Variants in LRRC20 observed in about 807,000 individuals in gnomAD.
LRRC20 encodes leucine rich repeat containing 20.
LRRC20 carries 11 observed loss-of-function variants against 14.4 expected under a neutral mutation model. The observed-to-expected ratio is 0.77, with a 90% confidence interval of 0.48 to 1.27. The LOEUF (loss-of-function observed/expected upper bound fraction) is 1.27, where lower values mean the gene tolerates loss of function less well. LRRC20 is among the 50% of genes most tolerant of loss of function. The pLI, the probability that LRRC20 is intolerant of heterozygous loss-of-function variation, is 0.00. For synonymous variants in LRRC20, 121 were observed against 107.3 expected (o/e 1.13, Z -0.79); for missense variants, 219 against 251.2 (o/e 0.87, Z 0.87).
intron 1 of LRRC20, among the ~76,000 whole-genome samples, chr10:70,377,501 T>C (rs7084009): frequency 0.74 from 113,040 of 152,000 alleles, 42,166 homozygotes; most frequent in Admixed American, 0.79. Flanking sequence ...CCCAGCTCCA[T>C]AGCCAGTGCT....
intron 2 of LRRC20, among the ~76,000 whole-genome samples, chr10:70,367,861 G>A (rs7902738): frequency 9.5e-4 from 144 of 151,410 alleles, no homozygotes; most frequent in African/African-American, 3.3e-3. Flanking sequence ...TCAAGGCATG[G>A]CAGAATCATC....
At chr10:70,325,994 A>G (rs997039833) in intron 3 of LRRC20, among the ~76,000 whole-genome samples, 6 of 152,206 alleles carry the variant, frequency 3.9e-5, no homozygotes, top group African/African-American at 9.7e-5. Flanking sequence ...TTCATGCTCA[A>G]TTTTGATCTT....
At chr10:70,340,231 T>C (rs1842865074) in intron 3 of LRRC20, among the ~76,000 whole-genome samples, 1 of 152,022 alleles carries the variant, frequency 6.6e-6, no homozygotes, top group Admixed American at 6.5e-5. Context: ...AGGGGGCTCA[T>C]TCAAGACTAC....
chr10:70,301,714 C>G (rs142102836), intron 4 of LRRC20, among the ~76,000 whole-genome samples: 3 of 152,226 alleles, frequency 2.0e-5, no homozygotes, highest in African/African-American at 4.8e-5. Context: ...AGGAAAGCAT[C>G]CTTAAAAATA....
At chr10:70,305,284 G>A (rs192471068) in intron 4 of LRRC20, among the ~76,000 whole-genome samples, 7 of 152,274 alleles carry the variant, frequency 4.6e-5, no homozygotes, top group African/African-American at 1.7e-4. Flanking sequence ...TGTTCCCATC[G>A]CTTGGCTATG....
intron 3 of LRRC20, among the ~76,000 whole-genome samples, chr10:70,327,507 A>T (rs766583880): frequency 6.6e-6 from 1 of 152,014 alleles, no homozygotes; most frequent in Non-Finnish European, 1.5e-5. Context: ...CGAGAATCCC[A>T]GGAGGCAGAG....
intron 2 of LRRC20, among the ~76,000 whole-genome samples, chr10:70,352,175 T>C (rs911246999): frequency 4.6e-5 from 7 of 152,160 alleles, no homozygotes; most frequent in African/African-American, 1.7e-4. Context: ...CATTTTGGCA[T>C]GTTTGTTAAT....
chr10:70,334,739 G>A (rs1401514491), intron 3 of LRRC20, among the ~76,000 whole-genome samples: 1 of 152,142 alleles, frequency 6.6e-6, no homozygotes, highest in African/African-American at 2.4e-5. Flanking sequence ...CAGGCATGTA[G>A]GGCCCTTGGA....
chr10:70,357,739 T>C (rs1843583949), intron 2 of LRRC20, among the ~76,000 whole-genome samples: 1 of 152,168 alleles, frequency 6.6e-6, no homozygotes, highest in Non-Finnish European at 1.5e-5. Context: ...CCACACAGAA[T>C]ACAATCAAAT....
intron 2 of LRRC20, among the ~76,000 whole-genome samples, chr10:70,350,204 A>T (rs1319881735): frequency 1.3e-5 from 2 of 152,194 alleles, no homozygotes; most frequent in African/African-American, 4.8e-5. Context: ...CTCCTCCAGC[A>T]CCATGTAGAC....
intron 1 of LRRC20, among the ~76,000 whole-genome samples, chr10:70,378,796 A>G (rs973614412): frequency 1.7e-4 from 20 of 119,430 alleles, no homozygotes; most frequent in East Asian, 1.3e-3. Context: ...AAAAAAAAAA[A>G]TTAGCCAGGC....
chr10:70,372,445 G>GTTTTTTTT (rs35874508), intron 2 of LRRC20, among the ~76,000 whole-genome samples: 1 of 133,328 alleles, frequency 7.5e-6, no homozygotes. Context: ...CCTTCTTTTC[G>GTTTTTTTT]TTTTTTTTTT....
chr10:70,379,382 G>A (rs1450887301), intron 1 of LRRC20, among the ~76,000 whole-genome samples: 4 of 152,110 alleles, frequency 2.6e-5, no homozygotes, highest in East Asian at 3.8e-4. Flanking sequence ...GGAAAGCTGA[G>A]GACCCAAGAG....
At chr10:70,377,736 G>A (rs1031828173) in intron 1 of LRRC20, among the ~76,000 whole-genome samples, 7 of 152,202 alleles carry the variant, frequency 4.6e-5, no homozygotes, top group African/African-American at 1.4e-4. Flanking sequence ...AAGTTCCCAC[G>A]TGGTCAACTG....
chr10:70,368,157 C>CTTTTTTT (rs373588441), intron 2 of LRRC20, among the ~76,000 whole-genome samples: 1 of 102,814 alleles, frequency 9.7e-6, no homozygotes, highest in Non-Finnish European at 1.7e-5. Flanking sequence ...CTAATTTTTG[C>CTTTTTTT]TTTTTTTTTT....
chr10:70,373,136 A>C (rs528035339), intron 2 of LRRC20, among the ~76,000 whole-genome samples: 1 of 152,304 alleles, frequency 6.6e-6, no homozygotes, highest in South Asian at 2.1e-4. Context: ...GTATAGCTGT[A>C]ACCAAATTTA....
chr10:70,358,614 G>T (rs10999292), intron 2 of LRRC20, among the ~76,000 whole-genome samples: 83,142 of 152,014 alleles, frequency 0.55, 23,873 homozygotes, highest in Non-Finnish European at 0.63. Context: ...CCACTGCCTG[G>T]CATGGCTGGC....
chr10:70,371,225 C>T (rs1321633788), intron 2 of LRRC20, among the ~76,000 whole-genome samples: 1 of 151,942 alleles, frequency 6.6e-6, no homozygotes, highest in Non-Finnish European at 1.5e-5. Flanking sequence ...CAGCCTCAAC[C>T]TCCAGGACTC....
chr10:70,367,471 G>C (rs1305547967), intron 2 of LRRC20, among the ~76,000 whole-genome samples: 2 of 152,298 alleles, frequency 1.3e-5, no homozygotes, highest in Non-Finnish European at 2.9e-5. Flanking sequence ...GCAGATGAAA[G>C]GATAAACGGA....
Sources: allele counts gnomAD v4.1 joint callset (sites outside exome capture counted in the v4.1 genomes callset), GRCh38; gene constraint gnomAD v4.1.1; transcripts MANE v1.5; gene names NCBI Gene and HGNC (gene_info 2026-07-23, HGNC 2026-07-21).